SH3GL2: variants seen among roughly 807,000 people sequenced by gnomAD.
SH3GL2 encodes the protein SH3 domain containing GRB2 like 2, endophilin A1.
A neutral mutation model predicts 46.0 loss-of-function variants in SH3GL2; 24 were observed. The observed-to-expected ratio is 0.52, with a 90% CI of 0.38 to 0.73. The LOEUF (loss-of-function observed/expected upper bound fraction) is 0.73. SH3GL2 is among the 30% of genes least tolerant of loss of function. The pLI is 0.00. For missense variants in SH3GL2, 413 were observed against 424.2 expected (o/e 0.97, Z 0.23); for synonymous variants, 196 against 147.1 (o/e 1.33, Z -2.40).
chr9:17,678,993 C>A (rs1365636597), intron 1 of SH3GL2, among the ~76,000 whole-genome samples: 1 of 152,032 alleles, frequency 6.6e-6, no homozygotes, highest in Non-Finnish European at 1.5e-5. Flanking sequence ...TGGTCTATAT[C>A]TCTATTTTGG....
At chr9:17,637,041 G>C (rs910060730) in intron 1 of SH3GL2, among the ~76,000 whole-genome samples, 3 of 152,216 alleles carry the variant, frequency 2.0e-5, no homozygotes, top group Admixed American at 2.0e-4. Flanking sequence ...TATCAAAGGT[G>C]AACCTAGTGC....
intron 2 of SH3GL2, among the ~76,000 whole-genome samples, chr9:17,752,104 G>T (rs1034118117): frequency 3.3e-5 from 5 of 152,286 alleles, no homozygotes; most frequent in Admixed American, 6.5e-5. Flanking sequence ...TTGTTTGTCA[G>T]TTGGGCTTTC....
chr9:17,599,400 T>C (rs1192987258), intron 1 of SH3GL2, among the ~76,000 whole-genome samples: 1 of 152,182 alleles, frequency 6.6e-6, no homozygotes, highest in African/African-American at 2.4e-5. Context: ...AACCCAGCCT[T>C]GGCAAGGGTA....
intron 3 of SH3GL2, among the ~76,000 whole-genome samples, chr9:17,778,287 T>C (rs573336351): frequency 9.3e-4 from 141 of 152,296 alleles, no homozygotes; most frequent in Non-Finnish European, 1.8e-3. Flanking sequence ...GCCCTGGGCA[T>C]GTATGAGTGA....
chr9:17,704,963 A>G (rs1009261386), intron 1 of SH3GL2, among the ~76,000 whole-genome samples: 8 of 151,938 alleles, frequency 5.3e-5, no homozygotes, highest in South Asian at 4.1e-4. Context: ...CAAACAGACA[A>G]TCTACAGAAT....
chr9:17,645,893 T>C (rs1159719977), intron 1 of SH3GL2, among the ~76,000 whole-genome samples: 1 of 152,082 alleles, frequency 6.6e-6, no homozygotes, highest in Non-Finnish European at 1.5e-5. Context: ...GTGTTCTCTG[T>C]ATTTCCTGAA....
chr9:17,754,253 C>G (rs1822927059), intron 2 of SH3GL2, among the ~76,000 whole-genome samples: 1 of 152,168 alleles, frequency 6.6e-6, no homozygotes, highest in South Asian at 2.1e-4. Context: ...GCATTGAATT[C>G]ATAAACTGCT....
intron 1 of SH3GL2, chr9:17,591,228 G>C (rs1973793025): frequency 6.6e-6 from 1 of 152,208 alleles, no homozygotes; most frequent in African/African-American, 2.4e-5. Context: ...TTCCTAAATT[G>C]ATGACTGTTA....
intron 1 of SH3GL2, among the ~76,000 whole-genome samples, chr9:17,632,510 A>G (rs1214016784): frequency 6.6e-6 from 1 of 152,200 alleles, no homozygotes; most frequent in Admixed American, 6.5e-5. Flanking sequence ...GCATGCCCAT[A>G]TTCTTAGAAT....
intron 1 of SH3GL2, among the ~76,000 whole-genome samples, chr9:17,742,895 T>G (rs911397642): frequency 6.6e-6 from 1 of 152,232 alleles, no homozygotes; most frequent in African/African-American, 2.4e-5. Flanking sequence ...GTTCACTTGT[T>G]CTGTTTGATT....
chr9:17,661,878 G>A (rs1017630827), intron 1 of SH3GL2, among the ~76,000 whole-genome samples: 1 of 152,138 alleles, frequency 6.6e-6, no homozygotes, highest in African/African-American at 2.4e-5. Context: ...TTCATTGAAT[G>A]TAAAATGTGT....
In SH3GL2 at chr9:17,770,823, C is replaced by G. The variant is rs145791864; in HGVS notation, c.187+9314C>G. 8.9e-4 allele frequency among the ~76,000 whole-genome samples: 135 copies of G among 152,310 alleles called. 1 individual carries two copies. Among genetic ancestry groups the G allele is most frequent in the African/African-American group, 3.0e-3 (126 of 41,574 alleles). On this transcript the variant is annotated intron_variant, in intron 3 of 8. Transcript: ENST00000380607. ...ACAGCCAGCGGGAAGCCAGAGCTCTCAATCACACTGCCACAGAGAAGTGAA... is the reference window on the plus strand; with the variant it reads ...ACAGCCAGCGGGAAGCCAGAGCTCTGAATCACACTGCCACAGAGAAGTGAA...
At chr9:17,717,395 T>C (rs1042232359) in intron 1 of SH3GL2, among the ~76,000 whole-genome samples, 3 of 151,492 alleles carry the variant, frequency 2.0e-5, no homozygotes, top group Non-Finnish European at 2.9e-5. Flanking sequence ...ATGAAATTAA[T>C]CTTTTTTCCC....
intron 1 of SH3GL2, among the ~76,000 whole-genome samples, chr9:17,714,209 A>T (rs867874686): frequency 6.6e-6 from 1 of 151,540 alleles, no homozygotes; most frequent in Non-Finnish European, 1.5e-5. Flanking sequence ...GTCTTTTTCC[A>T]TTCTATTACC....
chr9:17,581,147 A>C (rs1818270061), intron 1 of SH3GL2, among the ~76,000 whole-genome samples: 1 of 152,246 alleles, frequency 6.6e-6, no homozygotes, highest in Non-Finnish European at 1.5e-5. Context: ...ACTATCCCTT[A>C]TGCTGTGAAG....
chr9:17,586,726 C>T (rs77442826), intron 1 of SH3GL2, among the ~76,000 whole-genome samples: 1 of 152,144 alleles, frequency 6.6e-6, no homozygotes, highest in African/African-American at 2.4e-5. Flanking sequence ...AATTCACTCA[C>T]TATCACGAGA....
At chr9:17,679,962 C>A (rs1391661133) in intron 1 of SH3GL2, among the ~76,000 whole-genome samples, 1 of 152,170 alleles carries the variant, frequency 6.6e-6, no homozygotes, top group Non-Finnish European at 1.5e-5. Context: ...ACCAGCCTTG[C>A]ATCCCTGGGA....
At chr9:17,707,697 G>C (rs995978661) in intron 1 of SH3GL2, among the ~76,000 whole-genome samples, 1 of 152,020 alleles carries the variant, frequency 6.6e-6, no homozygotes, top group Non-Finnish European at 1.5e-5. Flanking sequence ...TTTGGGCAAA[G>C]GAGAGTGAAA....
chr9:17,680,635 T>A (rs889327134), intron 1 of SH3GL2, among the ~76,000 whole-genome samples: 1 of 152,210 alleles, frequency 6.6e-6, no homozygotes, highest in African/African-American at 2.4e-5. Context: ...CTCCTTCAGT[T>A]CTTCTCTGAT....
Sources: allele counts gnomAD v4.1 joint callset (sites outside exome capture counted in the v4.1 genomes callset), GRCh38; gene constraint gnomAD v4.1.1; transcripts MANE v1.5; gene names NCBI Gene and HGNC (gene_info 2026-07-23, HGNC 2026-07-21).